The following ZFHX4 variants were observed in gnomAD, a reference collection of about 807,000 sequenced individuals.
The protein encoded by ZFHX4 is zinc finger homeobox protein 4.
Under a neutral mutation model 267.6 loss-of-function variants are expected in ZFHX4, and 56 were observed. The observed-to-expected ratio is 0.21, with a 90% CI of 0.17 to 0.26. The LOEUF (loss-of-function observed/expected upper bound fraction) is 0.26, where lower values mean the gene tolerates loss of function less well. Among genes scored for constraint, ZFHX4 ranks in the 10% least tolerant of loss-of-function variants. The pLI is 1.00. For missense variants in ZFHX4, 4,332 were observed against 4,420.0 expected, an observed-to-expected ratio of 0.98 and a Z score of 0.56; for synonymous variants, 1,778 against 1,665.6, an observed-to-expected ratio of 1.07 and a Z score of -1.64.
intron 3 of ZFHX4, among the ~76,000 whole-genome samples, chr8:76,750,111 G>A (rs981839262): frequency 7.2e-5 from 11 of 152,130 alleles, no homozygotes; most frequent in African/African-American, 2.7e-4. Context: ...TTCTTAGGCT[G>A]TGTTGTTTTC....
chr8:76,835,348 T>C (rs1395355208), intron 5 of ZFHX4, among the ~76,000 whole-genome samples: 1 of 150,396 alleles, frequency 6.6e-6, no homozygotes, highest in African/African-American at 2.4e-5. Context: ...CTCCTACTAC[T>C]ACAACACAGC....
Position 76,853,924 on chromosome 8 carries a change from T to C in ZFHX4, c.7003T>C (p.Cys2335Arg). ...FDLITHQKKQ[C>R]YKDEDDDAQD... ...CTTGATTACGCATCAGAAAAAGCAG[T>C]GTTACAAGGATGAAGATGATGATGC... The change falls in exon 10 of 11, where the codon TGT becomes CGT. Residue 2335 changes from cysteine to arginine, a missense_variant. By Grantham distance (180) the Cys-to-Arg change is radical (BLOSUM62 -3). This residue lies in a region of ZFHX4 where 1,648 missense variants were observed against 1,625.0 expected (regional missense o/e 1.01). Transcript: ENST00000651372. 1 of 1,613,818 alleles carries C rather than the reference T, an allele frequency of 6.2e-7. No individual in the cohort carries two copies. Among genetic ancestry groups the C allele is most frequent in the Non-Finnish European group, 8.5e-7 (1 of 1,179,880 alleles).
At chr8:76,858,026 C>T (rs1299464730) in intron 10 of ZFHX4, among the ~76,000 whole-genome samples, 1 of 152,072 alleles carries the variant, frequency 6.6e-6, no homozygotes, top group Non-Finnish European at 1.5e-5. Context: ...CTTTAATCTA[C>T]AAGTCTACTT....
At chr8:76,744,495 C>T (rs573711292) in intron 3 of ZFHX4, among the ~76,000 whole-genome samples, 1 of 152,160 alleles carries the variant, frequency 6.6e-6, no homozygotes, top group African/African-American at 2.4e-5. Context: ...TCACGGCAAC[C>T]TACACCTCCC....
intron 1 of ZFHX4, among the ~76,000 whole-genome samples, chr8:76,701,385 A>T (rs751040791): frequency 6.6e-6 from 1 of 152,108 alleles, no homozygotes; most frequent in Non-Finnish European, 1.5e-5. Flanking sequence ...GTAAAATTGT[A>T]TGGGAGTATT....
chr8:76,767,113 G>A lies in ZFHX4; in HGVS notation c.3094-11095G>A, dbSNP rs1810072807. On this transcript the variant is annotated intron_variant, in intron 3 of 10. Transcript: ENST00000651372. ...TGTATGTGAGACAACGTGACACTGCGTGACATGAACATACAAATTAGAATG... is the reference window on the plus strand; with the variant it reads ...TGTATGTGAGACAACGTGACACTGCATGACATGAACATACAAATTAGAATG... Among the ~76,000 whole-genome samples the A allele has an allele frequency of 2.6e-5, 4 of 151,866 alleles. No individual in the cohort carries two copies. In the South Asian group the frequency reaches 6.2e-4, roughly 24 times the overall value.
chr8:76,776,481 G>A (rs1810403819), intron 3 of ZFHX4, among the ~76,000 whole-genome samples: 1 of 152,164 alleles, frequency 6.6e-6, no homozygotes, highest in South Asian at 2.1e-4. Context: ...ACTTGAGACT[G>A]GTGTGTTTGA....
chr8:76,721,726 TAA>T (rs1040926203), intron 3 of ZFHX4, among the ~76,000 whole-genome samples: 4 of 152,158 alleles, frequency 2.6e-5, no homozygotes, highest in Non-Finnish European at 4.4e-5. Context: ...AGAACTTTGA[TAA>T]AGAGTGTCTC....
intron 4 of ZFHX4, among the ~76,000 whole-genome samples, chr8:76,784,409 G>A (rs915418508): frequency 1.3e-5 from 2 of 151,954 alleles, no homozygotes; most frequent in African/African-American, 2.4e-5. Flanking sequence ...CCTAATGTAT[G>A]TAAGAGCAAG....
At chr8:76,764,831 A>G (rs933498428) in intron 3 of ZFHX4, among the ~76,000 whole-genome samples, 1 of 152,148 alleles carries the variant, frequency 6.6e-6, no homozygotes, top group Non-Finnish European at 1.5e-5. Context: ...CATTTCTTCC[A>G]TGCTGTAGGT....
chr8:76,688,097 A>G (rs928989451), intron 1 of ZFHX4, among the ~76,000 whole-genome samples: 1 of 152,214 alleles, frequency 6.6e-6, no homozygotes, highest in Non-Finnish European at 1.5e-5. Context: ...AAGATGATCA[A>G]CAGAGGTTTG....
intron 4 of ZFHX4, among the ~76,000 whole-genome samples, chr8:76,810,308 CTG>C (rs1811345455): frequency 6.6e-6 from 1 of 152,096 alleles, no homozygotes; most frequent in Non-Finnish European, 1.5e-5. Flanking sequence ...TGTGAAGATG[CTG>C]TGTCTAGGAT....
chr8:76,862,730 A>G lies in ZFHX4; in HGVS notation c.9380-364A>G, dbSNP rs1220717832. Among the ~76,000 whole-genome samples the G allele has an allele frequency of 2.0e-5, 3 of 152,320 alleles. No homozygotes were observed. The East Asian group carries it at 5.8e-4, about 29-fold the overall frequency. On this transcript the variant is annotated intron_variant, in intron 10 of 10. Coordinates refer to ENST00000651372, the MANE Select transcript of ZFHX4 (RefSeq NM_024721.5). The stretch of plus-strand genomic sequence containing the variant: ...GTATAGTAAAAATTGCTTAAAATAA[A>G]TAACAGAATAGGGATCTTGCAAGGT...
intron 8 of ZFHX4, 112 bp downstream of exon 8, chr8:76,849,824 C>T (rs551450882): frequency 5.1e-6 from 6 of 1,187,116 alleles, no homozygotes; most frequent in South Asian, 2.9e-5. Flanking sequence ...CTAATTAAAG[C>T]TCTGTTATTG....
In ZFHX4 at chr8:76,852,073, T is replaced by C; in HGVS notation, c.5152T>C (p.Phe1718Leu). 6.2e-7 allele frequency: 1 copy of C among 1,613,980 alleles called. No homozygotes were observed. Among genetic ancestry groups the C allele is most frequent in the Non-Finnish European group, 8.5e-7 (1 of 1,179,872 alleles). ...FFQPQFLNPA[F>L]LPHFPMTPEA... ...TCAGCCTCAGTTTCTAAACCCAGCCTTTTTGCCTCATTTTCCTATGACCCC... is the reference window on the plus strand; with the variant it reads ...TCAGCCTCAGTTTCTAAACCCAGCCCTTTTGCCTCATTTTCCTATGACCCC... The change falls in exon 10 of 11, where the codon TTT becomes CTT. Residue 1718 changes from phenylalanine to leucine, a missense_variant. Physicochemically the swap from Phe to Leu is conservative, Grantham distance 22 (BLOSUM62 0). Transcript: ENST00000651372.
chr8:76,784,433 T>C (rs1810632288), intron 4 of ZFHX4, among the ~76,000 whole-genome samples: 1 of 152,028 alleles, frequency 6.6e-6, no homozygotes, highest in Non-Finnish European at 1.5e-5. Flanking sequence ...TTTTTTACCT[T>C]GATACAGAAA....
rs753803616 is a variant in ZFHX4, at chr8:76,852,264, G to A, written c.5343G>A (p.Gln1781=). 2.5e-6 allele frequency: 4 copies of A among 1,592,868 alleles called. No individual in the cohort carries two copies. The highest frequency in any genetic ancestry group is 2.2e-5 in the South Asian group (2 of 89,136). The change falls in exon 10 of 11, where the codon CAG becomes CAA. Residue 1781 remains glutamine (Q), a synonymous_variant. Transcript: ENST00000651372. ...CCTTGCTTGAAGACCTAAAGCAGCA[G>A]ATTCAAACCCAACATCACGTTGGTC... ...AGSLLEDLKQ[Q]IQTQHHVGQT...
At chr8:76,827,975 T>C (rs1161086760) in intron 4 of ZFHX4, among the ~76,000 whole-genome samples, 1 of 152,206 alleles carries the variant, frequency 6.6e-6, no homozygotes, top group Non-Finnish European at 1.5e-5. Flanking sequence ...TCAACAAAGA[T>C]GATGTTGCTT....
intron 3 of ZFHX4, among the ~76,000 whole-genome samples, chr8:76,713,784 C>G (rs776521208): frequency 1.3e-5 from 2 of 152,094 alleles, no homozygotes; most frequent in Non-Finnish European, 2.9e-5. Context: ...ACTGCCTGAT[C>G]TGGAGGAATT....
Sources: allele counts gnomAD v4.1 joint callset (sites outside exome capture counted in the v4.1 genomes callset), GRCh38; gene constraint gnomAD v4.1.1; regional missense constraint gnomAD v4.1.1; transcripts MANE v1.5; gene names NCBI Gene and HGNC (gene_info 2026-07-23, HGNC 2026-07-21).